The following PKHD1 variants were observed in gnomAD, a reference collection of about 807,000 sequenced individuals.
PKHD1 encodes fibrocystin.
In PKHD1, 291 loss-of-function variants were observed where a neutral mutation model predicts 412.0. The ratio of observed to expected loss-of-function variants is 0.71; its 90% CI spans 0.64 to 0.78. The LOEUF (loss-of-function observed/expected upper bound fraction) is 0.78. Ranked by LOEUF, PKHD1 falls within the 30% of genes least tolerant of loss-of-function variation. The pLI is 0.00. For missense variants in PKHD1, 4,825 were observed against 4,950.7 expected (o/e 0.97, Z 0.76); for synonymous variants, 1,777 against 1,821.5 (o/e 0.98, Z 0.62).
Position 51,768,873 on chromosome 6 carries a change from T to C in PKHD1, c.8642+3829A>G, listed in dbSNP as rs188524304. Among the ~76,000 whole-genome samples the C allele has an allele frequency of 2.8e-4, 42 of 151,866 alleles. No individual in the cohort carries two copies. The East Asian group carries it at 4.8e-3, about 17-fold the overall frequency. On this transcript the variant is annotated intron_variant, in intron 55 of 66. Coordinates refer to ENST00000371117, the MANE Select transcript of PKHD1 (RefSeq NM_138694.4). ...ACCATCCAAATAAATAGCATTAATT[T>C]AAAAGAAGTATCCTTGTAGTCTTCA...
intron 41 of PKHD1, among the ~76,000 whole-genome samples, chr6:51,904,777 C>A (rs1460740445): frequency 1.3e-5 from 2 of 152,214 alleles, no homozygotes; most frequent in Non-Finnish European, 2.9e-5. Flanking sequence ...TAGTTAATAT[C>A]TATTCCACAT....
intron 33 of PKHD1, among the ~76,000 whole-genome samples, chr6:52,020,319 A>T (rs902944638): frequency 6.6e-5 from 10 of 152,212 alleles, no homozygotes; most frequent in Admixed American, 1.3e-4. Context: ...ATTAACCAGC[A>T]AGACTGCAGT....
intron 52 of PKHD1, among the ~76,000 whole-genome samples, chr6:51,791,640 A>C (rs889205507): frequency 6.6e-6 from 1 of 152,224 alleles, no homozygotes; most frequent in African/African-American, 2.4e-5. Flanking sequence ...CCCCAAGTCT[A>C]GTGCAGTGGA....
intron 35 of PKHD1, among the ~76,000 whole-genome samples, chr6:51,982,890 T>TTAAA (rs1795722751): frequency 8.0e-5 from 3 of 37,642 alleles, no homozygotes; most frequent in Admixed American, 4.5e-4. Context: ...TAAAATAAAA[T>TTAAA]AAAAAAAAGA....
chr6:51,715,511 A>C (rs1281390052), intron 60 of PKHD1, among the ~76,000 whole-genome samples: 2 of 152,200 alleles, frequency 1.3e-5, no homozygotes, highest in East Asian at 3.9e-4. Context: ...TTTATTAGCA[A>C]AGTATTGAGA....
chr6:51,948,328 G>A (rs1023461716), intron 36 of PKHD1, among the ~76,000 whole-genome samples: 10 of 151,972 alleles, frequency 6.6e-5, no homozygotes, highest in African/African-American at 1.7e-4. Flanking sequence ...ACCTTACAGC[G>A]TTGGTTCTCT....
At chr6:51,690,197 G>A (rs1313412430) in intron 60 of PKHD1, among the ~76,000 whole-genome samples, 4 of 149,204 alleles carry the variant, frequency 2.7e-5, no homozygotes, top group South Asian at 4.3e-4. Context: ...GCTTGAACTC[G>A]GGAGGCGGAG....
At position 51,939,097 on chromosome 6, in the gene PKHD1, T is replaced by G. The variant is rs975716997; in HGVS notation, c.5909-4775A>C. ...CACATTTCAGAGGTGTCTGACCACGTGGGGATGCCTGCCTTGGTCCTTCAC... is the reference window on the plus strand; with the variant it reads ...CACATTTCAGAGGTGTCTGACCACGGGGGGATGCCTGCCTTGGTCCTTCAC... On this transcript the variant is annotated intron_variant, in intron 36 of 66. Coordinates refer to ENST00000371117, the MANE Select transcript of PKHD1 (RefSeq NM_138694.4). Among the ~76,000 whole-genome samples the G allele has an allele frequency of 9.9e-5, 15 of 151,630 alleles. No homozygotes were observed. In the East Asian group the frequency reaches 2.9e-3, roughly 29 times the overall value.
intron 1 of PKHD1, among the ~76,000 whole-genome samples, chr6:52,085,533 G>A (rs1812648229): frequency 6.6e-6 from 1 of 152,122 alleles, no homozygotes; most frequent in African/African-American, 2.4e-5. Context: ...AGATCCTGGC[G>A]CACCTTCGTG....
At chr6:51,921,967 T>C (rs1311868959) in intron 37 of PKHD1, among the ~76,000 whole-genome samples, 3 of 152,218 alleles carry the variant, frequency 2.0e-5, no homozygotes, top group African/African-American at 7.2e-5. Flanking sequence ...AGCTTTGTTC[T>C]ATTGCTGGCA....
intron 35 of PKHD1, among the ~76,000 whole-genome samples, chr6:51,979,009 A>G (rs1188941256): frequency 3.3e-5 from 5 of 152,216 alleles, no homozygotes; most frequent in Admixed American, 6.5e-5. Flanking sequence ...TTACTTAGCC[A>G]TTAATATCAA....
intron 55 of PKHD1, among the ~76,000 whole-genome samples, chr6:51,758,208 T>A (rs1461404238): frequency 2.0e-5 from 3 of 152,168 alleles, no homozygotes; most frequent in Non-Finnish European, 2.9e-5. Context: ...CCTTATGAGT[T>A]CATTAAAATG....
intron 43 of PKHD1, 90 bp from the exon 44 acceptor site, chr6:51,887,335 T>C (rs935101402): frequency 1.2e-6 from 1 of 808,358 alleles, no homozygotes. Context: ...TCATCCCAAT[T>C]TTATATTCAC....
chr6:52,080,079 A>C, intron 4 of PKHD1, 71 bp from the exon 5 acceptor site: 1 of 886,226 alleles, frequency 1.1e-6, no homozygotes, highest in Middle Eastern at 3.0e-4. Flanking sequence ...CCCACTTGCC[A>C]CTTCAAATTT....
intron 43 of PKHD1, among the ~76,000 whole-genome samples, chr6:51,893,309 G>A (rs559592911): frequency 1.1e-4 from 16 of 152,304 alleles, no homozygotes; most frequent in African/African-American, 2.9e-4. Context: ...CAGAAAGCAC[G>A]TGTTTCCCTG....
chr6:51,696,298 A>G (rs1016580719), intron 60 of PKHD1, among the ~76,000 whole-genome samples: 4 of 152,186 alleles, frequency 2.6e-5, no homozygotes, highest in Non-Finnish European at 5.9e-5. Flanking sequence ...AGAGAATGGT[A>G]GCTGATCTTT....
At chr6:51,795,848 A>G (rs894464786) in intron 52 of PKHD1, among the ~76,000 whole-genome samples, 1 of 152,174 alleles carries the variant, frequency 6.6e-6, no homozygotes, top group Non-Finnish European at 1.5e-5. Flanking sequence ...CATTAAACCA[A>G]CCTTGCATTC....
At chr6:51,769,039 G>C (rs191950521) in intron 55 of PKHD1, among the ~76,000 whole-genome samples, 2 of 151,428 alleles carry the variant, frequency 1.3e-5, no homozygotes, top group Non-Finnish European at 3.0e-5. Context: ...AATTATCTTT[G>C]TTCACTTGAA....
intron 35 of PKHD1, among the ~76,000 whole-genome samples, chr6:51,990,928 A>T (rs1796974152): frequency 6.6e-6 from 1 of 152,228 alleles, no homozygotes; most frequent in African/African-American, 2.4e-5. Flanking sequence ...TATCTGCAAA[A>T]TGGAGCTAAT....
Sources: gnomAD v4.1 joint callset for allele counts (sites outside exome capture counted in the v4.1 genomes callset) on GRCh38, gnomAD v4.1.1 for gene constraint, MANE v1.5 for transcripts, NCBI Gene and HGNC (gene_info 2026-07-23, HGNC 2026-07-21) for gene names.